SLC7A7: variants seen among roughly 807,000 people sequenced by gnomAD.
SLC7A7 encodes the protein solute carrier family 7 member 7, also known as Y+L amino acid transporter 1.
SLC7A7 carries 39 observed loss-of-function variants against 47.9 expected under a neutral mutation model. That is an observed-to-expected ratio of 0.81 (90% CI 0.63 to 1.06). The LOEUF is 1.06. SLC7A7 is among the 50% of genes least tolerant of loss of function. The probability of loss-of-function intolerance (pLI) is 0.00; values close to 1 mark genes in which losing one functional copy is unlikely to be tolerated. For synonymous variants in SLC7A7, 234 were observed against 242.8 expected (o/e 0.96, Z 0.34); for missense variants, 588 against 632.0 (o/e 0.93, Z 0.75).
chr14:22,773,645 C>T lies in SLC7A7; in HGVS notation c.1501G>A (p.Glu501Lys). The T allele has an allele frequency of 1.2e-6, 2 of 1,614,172 alleles. No individual in the cohort carries two copies. The highest frequency in any genetic ancestry group is 1.7e-6 in the Non-Finnish European group (2 of 1,180,020). ...AAEMDLEDGGEMPKQRDPKSN is the reference protein window; with the variant it reads ...AAEMDLEDGGKMPKQRDPKSN ...TTGGGATCCCGTTGCTTGGGCATCT[C>T]TCCTCCATCTTCCAAATCCATTTCT... The change falls in exon 10 of 10, where the codon GAG (glutamate) becomes AAG (lysine). Residue 501 changes from glutamate to lysine, a missense_variant. By Grantham distance (56) the Glu-to-Lys change is moderately conservative. Coordinates refer to ENST00000674313, the MANE Select transcript of SLC7A7 (RefSeq NM_003982.4).
At chr14:22,796,145 G>C (rs1442050420) in intron 2 of SLC7A7, among the ~76,000 whole-genome samples, 1 of 152,058 alleles carries the variant, frequency 6.6e-6, no homozygotes, top group Non-Finnish European at 1.5e-5. Context: ...AAAGCCCTCT[G>C]AAAAAGGCAA....
chr14:22,777,898 A>C (rs953663599), intron 4 of SLC7A7, among the ~76,000 whole-genome samples: 2 of 152,172 alleles, frequency 1.3e-5, no homozygotes, highest in Non-Finnish European at 2.9e-5. Flanking sequence ...ACATGGTGAA[A>C]CCCATGTCTC....
chr14:22,814,709 A>T (rs985748740), intron 1 of SLC7A7: 1 of 153,066 alleles, frequency 6.5e-6, no homozygotes, highest in African/African-American at 2.4e-5. Flanking sequence ...CCAGCAGCTA[A>T]TCTGTGGGAG....
chr14:22,818,608 G>GTT (rs35509044), upstream of SLC7A7, among the ~76,000 whole-genome samples: 24 of 140,590 alleles, frequency 1.7e-4, no homozygotes, highest in African/African-American at 6.6e-4. Context: ...TGGTTTTTGG[G>GTT]TTTTTTTTAC....
intron 2 of SLC7A7, among the ~76,000 whole-genome samples, chr14:22,811,914 C>T (rs549062999): frequency 6.6e-6 from 1 of 150,414 alleles, no homozygotes; most frequent in East Asian, 1.9e-4. Context: ...AAAAGATATT[C>T]ACTGGAGCAT....
chr14:22,776,674 A>T (rs971149057), intron 4 of SLC7A7, among the ~76,000 whole-genome samples: 2 of 152,110 alleles, frequency 1.3e-5, no homozygotes, highest in Admixed American at 6.5e-5. Context: ...CTCTACAAAA[A>T]ACTAGCCAAG....
chr14:22,815,015 G>A lies in SLC7A7; in HGVS notation c.-43+305C>T, dbSNP rs78096782. ...AAAAAAGTATGAATGAGAGAAGGGC[G>A]ATCCAATGTACCATAAAACCTAGGG... On this transcript the variant is annotated intron_variant, in intron 1 of 9. Transcript: ENST00000674313. 1,933 of 257,176 alleles carry A rather than the reference G, an allele frequency of 7.5e-3. 29 individuals carry two copies. The highest frequency in any genetic ancestry group is 0.04 in the African/African-American group (1,798 of 45,428). 15.9% of individuals were successfully genotyped at this position (257,176 alleles called of 1,614,324 possible).
rs11847310 is a variant in SLC7A7 at position 22,809,751 on chromosome 14, A to G, written c.499+3149T>C. Reference sequence around the variant, plus strand: ...GCACCCGGCCTTTGCATGTATTCTTACAAGGATGTACAGGCACGTGAATGT... The same window carrying G: ...GCACCCGGCCTTTGCATGTATTCTTGCAAGGATGTACAGGCACGTGAATGT... On this transcript the variant is annotated intron_variant, in intron 2 of 9. Transcript: ENST00000674313. Among the ~76,000 whole-genome samples, 1,103 of 152,234 alleles carry G rather than the reference A, an allele frequency of 7.2e-3. 9 individuals are homozygous for G. The highest frequency in any genetic ancestry group is 0.026 in the African/African-American group (1,062 of 41,524).
At chr14:22,777,948 A>G (rs908223932) in intron 4 of SLC7A7, among the ~76,000 whole-genome samples, 3 of 152,128 alleles carry the variant, frequency 2.0e-5, no homozygotes, top group Non-Finnish European at 4.4e-5. Flanking sequence ...GGTGGCAGGC[A>G]CCTGTAATTC....
rs753264025 is a variant in SLC7A7 at position 22,776,284 on chromosome 14, T to C, written c.805A>G (p.Ile269Val). The change falls in exon 5 of 10, where the codon ATT becomes GTT. Residue 269 changes from isoleucine to valine, a missense_variant. Coordinates refer to ENST00000674313, the MANE Select transcript of SLC7A7 (RefSeq NM_003982.4). ...LPLSIGISMP[I>V]VTIIYILTNV... Reference sequence around the variant, plus strand: ...GTCAAGATATAGATGATGGTGACAATGGGCATGGAGATGCCAATGGAGAGG... The same window carrying C: ...GTCAAGATATAGATGATGGTGACAACGGGCATGGAGATGCCAATGGAGAGG... 15 of 1,614,104 alleles carry C rather than the reference T, an allele frequency of 9.3e-6. No homozygotes were observed. Among genetic ancestry groups the C allele is most frequent in the African/African-American group, 4.0e-5 (3 of 74,942 alleles).
chr14:22,778,028 T>C (rs1356579756), intron 4 of SLC7A7, among the ~76,000 whole-genome samples: 4 of 152,100 alleles, frequency 2.6e-5, no homozygotes, highest in Non-Finnish European at 5.9e-5. Flanking sequence ...TGAGCCAAGA[T>C]CACGCCATTG....
chr14:22,805,198 T>A (rs996982777), intron 2 of SLC7A7, among the ~76,000 whole-genome samples: 7 of 152,074 alleles, frequency 4.6e-5, no homozygotes, highest in Non-Finnish European at 8.8e-5. Context: ...AAACTCCATA[T>A]CTACTAAAAA....
At chr14:22,809,279 A>G (rs1186347726) in intron 2 of SLC7A7, among the ~76,000 whole-genome samples, 1 of 151,808 alleles carries the variant, frequency 6.6e-6, no homozygotes, top group African/African-American at 2.4e-5. Context: ...CCCGGGTTCA[A>G]GCGTTCCTCC....
chr14:22,804,496 G>T (rs2039168120), intron 2 of SLC7A7, among the ~76,000 whole-genome samples: 1 of 151,872 alleles, frequency 6.6e-6, no homozygotes, highest in African/African-American at 2.4e-5. Flanking sequence ...GAGTCTACAA[G>T]GAATTTAAAC....
intron 8 of SLC7A7, 86 bp from the exon 9 acceptor site, chr14:22,774,202 ACT>A (rs2038544973): frequency 6.3e-7 from 1 of 1,584,008 alleles, no homozygotes; most frequent in Non-Finnish European, 8.7e-7. Context: ...GGATTAGCGC[ACT>A]GAGCCTTCTT....
chr14:22,799,047 T>A (rs1378977531), intron 2 of SLC7A7, among the ~76,000 whole-genome samples: 2 of 152,142 alleles, frequency 1.3e-5, no homozygotes, highest in Non-Finnish European at 2.9e-5. Context: ...ACTTAATACA[T>A]TTTGCTGGGT....
rs368317123 is a variant in SLC7A7 at position 22,813,149 on chromosome 14, C to T, written c.250G>A (p.Val84Ile). 38 of 1,614,008 alleles carry T rather than the reference C, an allele frequency of 2.4e-5. No homozygotes were observed. The highest frequency in any genetic ancestry group is 2.1e-4 in the African/African-American group (16 of 74,884). ...VIWAVGGLFS[V>I]FGALCYAELG... ...TCCGCATAACAAAGGGCCCCAAAGACGGAGAAGAGGCCCCCGACAGCCCAG... is the reference window on the plus strand; with the variant it reads ...TCCGCATAACAAAGGGCCCCAAAGATGGAGAAGAGGCCCCCGACAGCCCAG... Residue 84 changes from valine (V) to isoleucine (I), a missense_variant, in exon 2 of 10, where the codon GTC (valine) becomes ATC (isoleucine). Val to Ile is a conservative substitution (Grantham distance 29, BLOSUM62 3). Transcript: ENST00000674313.
At chr14:22,790,963 A>T (rs955164685) in intron 2 of SLC7A7, among the ~76,000 whole-genome samples, 3 of 146,106 alleles carry the variant, frequency 2.1e-5, no homozygotes, top group Non-Finnish European at 4.5e-5. Flanking sequence ...GCGCCACTGC[A>T]CTCCAGCCTG....
intron 2 of SLC7A7, among the ~76,000 whole-genome samples, chr14:22,802,855 C>A (rs1362412157): frequency 6.6e-6 from 1 of 152,116 alleles, no homozygotes; most frequent in Non-Finnish European, 1.5e-5. Context: ...TAGCCCCTTG[C>A]CCATCTTGGT....
Sources: gnomAD v4.1 joint callset for allele counts (sites outside exome capture counted in the v4.1 genomes callset) on GRCh38, gnomAD v4.1.1 for gene constraint, MANE v1.5 for transcripts, NCBI Gene and HGNC (gene_info 2026-07-23, HGNC 2026-07-21) for gene names.